The following MBP variants were observed in gnomAD, a reference collection of about 807,000 sequenced individuals.
MBP encodes the protein myelin basic protein.
MBP carries 16 observed loss-of-function variants against 35.8 expected under a neutral mutation model. The ratio of observed to expected loss-of-function variants is 0.45; its 90% CI spans 0.30 to 0.68. MBP has a LOEUF of 0.68. Among genes scored for constraint, MBP ranks in the 30% least tolerant of loss-of-function variants. The pLI is 0.08. For synonymous variants in MBP, 143 were observed against 159.6 expected (o/e 0.90, Z 0.78); for missense variants, 380 against 404.7 (o/e 0.94, Z 0.52).
At chr18:77,048,379 T>C (rs1973341091) in intron 3 of MBP, among the ~76,000 whole-genome samples, 1 of 152,200 alleles carries the variant, frequency 6.6e-6, no homozygotes, top group Admixed American at 6.5e-5. Flanking sequence ...AAGAGAAAAA[T>C]GAAAGCTCAT....
chr18:77,015,627 C>CA, intron 4 of MBP: 3 of 985,354 alleles, frequency 3.0e-6, no homozygotes, highest in Non-Finnish European at 3.6e-6. Context: ...TCAACTCAGA[C>CA]AGATGGTAGA....
chr18:77,030,769 A>G (rs1028036274), intron 3 of MBP, among the ~76,000 whole-genome samples: 2 of 152,234 alleles, frequency 1.3e-5, no homozygotes, highest in African/African-American at 2.4e-5. Flanking sequence ...TTAAACATAC[A>G]CATTTCTCCC....
chr18:77,039,941 C>G (rs1324828304), intron 3 of MBP, among the ~76,000 whole-genome samples: 1 of 152,182 alleles, frequency 6.6e-6, no homozygotes, highest in Non-Finnish European at 1.5e-5. Flanking sequence ...GCGGCCGGCT[C>G]TACAGCATGA....
rs1455484001 is a variant in MBP at position 77,016,979 on chromosome 18, C to T, written c.429G>A (p.Arg143=). The part of the protein sequence containing the change: ...VMASQKRPSQ[R]HGSKYLATAS... ...CTGTGGCCAGGTACTTGGATCCGTGCCTCTGGGAGGGTCTCTTCTGTGACG... is the reference window on the plus strand; with the variant it reads ...CTGTGGCCAGGTACTTGGATCCGTGTCTCTGGGAGGGTCTCTTCTGTGACG... The change falls in exon 4 of 9, where the codon AGG becomes AGA. Residue 143 remains arginine (R), a synonymous_variant. Coordinates refer to ENST00000355994, the MANE Select transcript of MBP (RefSeq NM_001025101.2). 1 of 1,614,040 alleles carries T rather than the reference C, an allele frequency of 6.2e-7. No homozygotes were observed. The highest frequency in any genetic ancestry group is 1.7e-5 in the Admixed American group (1 of 59,994).
In MBP at chr18:77,115,942, G is replaced by T. The variant is rs1240584555; in HGVS notation, c.-25-10656C>A. 2.0e-5 allele frequency among the ~76,000 whole-genome samples: 3 copies of T among 151,426 alleles called. No individual in the cohort carries two copies. The East Asian group carries it at 5.9e-4, about 30-fold the overall frequency. On this transcript the variant is annotated intron_variant, in intron 1 of 8. Transcript: ENST00000355994. ...TCACTGTGGTCCCTCAGAAGACCTG[G>T]CTCTGAGCTGTCTCCTGAGGGGCCC... is the stretch of plus-strand genomic sequence containing the variant.
chr18:77,018,651 T>TCCATTTAC (rs1259005475), intron 3 of MBP, among the ~76,000 whole-genome samples: 5 of 118,682 alleles, frequency 4.2e-5, no homozygotes, highest in Admixed American at 8.8e-5. Flanking sequence ...CACATATCAG[T>TCCATTTAC]CCATTTACCC....
At chr18:77,012,820 C>T (rs1392301888) in intron 4 of MBP, 1 of 985,106 alleles carries the variant, frequency 1.0e-6, no homozygotes, top group Non-Finnish European at 1.2e-6. Flanking sequence ...TTAATGAATG[C>T]ATAAAAAGGC....
chr18:77,102,023 A>G lies in MBP; in HGVS notation c.51+3188T>C, dbSNP rs1976037524. On this transcript the variant is annotated intron_variant, in intron 2 of 8. Transcript: ENST00000355994. The surrounding 1 kb of genome is among the most constrained non-coding windows in gnomAD (Gnocchi z 4.4). ...GAGAGAGGAAAGTTCCCTCCTTGAT[A>G]TAGGAGGGGAAGAAGTCGGATGATA... is the stretch of plus-strand genomic sequence containing the variant. 1.3e-5 allele frequency among the ~76,000 whole-genome samples: 2 copies of G among 152,174 alleles called. No homozygotes were observed. The highest frequency in any genetic ancestry group is 4.1e-4 in the South Asian group (2 of 4,826).
At chr18:77,068,972 T>C (rs760972152) in intron 2 of MBP, 4 of 472,792 alleles carry the variant, frequency 8.5e-6, no homozygotes, top group South Asian at 6.1e-5. Context: ...GACTCTGACC[T>C]CACCTCGGGG....
chr18:77,088,302 C>T lies in MBP; in HGVS notation c.51+16909G>A, dbSNP rs60595934. Among the ~76,000 whole-genome samples, 151 of 152,210 alleles carry T rather than the reference C, an allele frequency of 9.9e-4. 1 individual carries two copies. Among genetic ancestry groups the T allele is most frequent in the African/African-American group, 3.5e-3 (147 of 41,524 alleles). The stretch of plus-strand genomic sequence containing the variant: ...CTGCGTCCACGTCCAGCAGAAGGGG[C>T]GAGGGAACCCCCAGCCCCTTTAATG... On this transcript the variant is annotated intron_variant, in intron 2 of 8. Transcript: ENST00000355994.
At chr18:77,045,906 G>A (rs548409285) in intron 3 of MBP, among the ~76,000 whole-genome samples, 240 of 152,308 alleles carry the variant, frequency 1.6e-3, no homozygotes, top group Middle Eastern at 6.8e-3. Context: ...GCCGCGAGGT[G>A]AGTATTGGGC....
chr18:76,995,114 A>C (rs893297586), intron 4 of MBP, among the ~76,000 whole-genome samples: 2 of 152,234 alleles, frequency 1.3e-5, no homozygotes, highest in East Asian at 1.9e-4. Context: ...CAAGGAAACA[A>C]AATATTAGGT....
intron 2 of MBP, among the ~76,000 whole-genome samples, chr18:77,085,329 G>T (rs1975176509): frequency 6.6e-6 from 1 of 152,142 alleles, no homozygotes; most frequent in Non-Finnish European, 1.5e-5. Flanking sequence ...AAAGATCTTT[G>T]CTCAAAAGAC....
intron 2 of MBP, chr18:77,069,055 T>C (rs60875774): frequency 0.056 from 26,361 of 469,154 alleles, 1,003 homozygotes; most frequent in South Asian, 0.11. Flanking sequence ...TGTGTCTCTA[T>C]TACAGAAACT....
At chr18:77,062,071 G>A (rs1234803206) in intron 3 of MBP, among the ~76,000 whole-genome samples, 1 of 152,192 alleles carries the variant, frequency 6.6e-6, no homozygotes, top group Admixed American at 6.5e-5. Flanking sequence ...ATGACACGGA[G>A]TCCACATCCC....
rs952606411 is a variant in MBP, at chr18:77,101,603, A to G, written c.51+3608T>C. Among the ~76,000 whole-genome samples the G allele has an allele frequency of 3.3e-5, 5 of 152,192 alleles. No homozygotes were observed. The highest frequency in any genetic ancestry group is 9.6e-5 in the African/African-American group (4 of 41,458). ...CAGGAAGGTGGCTCAACCACTTGTT[A>G]CCAGGGACCTGCACCCCATATGAGT... On this transcript the variant is annotated intron_variant, in intron 2 of 8. Coordinates refer to ENST00000355994, the MANE Select transcript of MBP (RefSeq NM_001025101.2). The surrounding 1 kb of genome is among the most constrained non-coding windows in gnomAD (Gnocchi z 4.3).
chr18:77,010,082 G>A (rs1274614819), intron 4 of MBP: 2 of 625,264 alleles, frequency 3.2e-6, no homozygotes, highest in Admixed American at 5.1e-5. Context: ...GACAGGGAGA[G>A]AAGAAGGCAT....
chr18:77,041,772 C>G (rs1368580116), intron 3 of MBP, among the ~76,000 whole-genome samples: 1 of 110,002 alleles, frequency 9.1e-6, no homozygotes, highest in Non-Finnish European at 1.7e-5. Context: ...ACACTGGGAC[C>G]TGTTGTGGGG....
intron 1 of MBP, among the ~76,000 whole-genome samples, chr18:77,106,298 T>G (rs763855228): frequency 6.6e-6 from 1 of 152,168 alleles, no homozygotes; most frequent in Non-Finnish European, 1.5e-5. Flanking sequence ...GAAAAGAGAA[T>G]TGCCTGACAG....
Sources: allele counts gnomAD v4.1 joint callset (sites outside exome capture counted in the v4.1 genomes callset), GRCh38; gene constraint gnomAD v4.1.1; non-coding constraint Gnocchi (gnomAD v3.1); transcripts MANE v1.5; gene names NCBI Gene and HGNC (gene_info 2026-07-23, HGNC 2026-07-21).